Variants in UBR4 observed in about 807,000 individuals in gnomAD.
UBR4 encodes ubiquitin protein ligase E3 component n-recognin 4.
Under a neutral mutation model 575.6 loss-of-function variants are expected in UBR4, and 124 were observed. The ratio of observed to expected loss-of-function variants is 0.22; its 90% confidence interval spans 0.19 to 0.25. UBR4 has a LOEUF of 0.25. Ranked by LOEUF, UBR4 falls within the 10% of genes least tolerant of loss-of-function variation. The probability of loss-of-function intolerance (pLI) is 1.00; values close to 1 mark genes in which losing one functional copy is unlikely to be tolerated. For synonymous variants in UBR4, 2,455 were observed against 2,473.7 expected, an observed-to-expected ratio of 0.99 and a Z score of 0.22; for missense variants, 4,818 against 6,478.8, an observed-to-expected ratio of 0.74 and a Z score of 8.80.
rs1383339505 is a variant in UBR4 at position 19,110,126 on chromosome 1, T to C, written c.12075A>G (p.Lys4025=). 1 of 1,613,944 alleles carries C rather than the reference T, an allele frequency of 6.2e-7. No homozygotes were observed. The highest frequency in any genetic ancestry group is 1.1e-5 in the South Asian group (1 of 91,056). ...TCTTCTTGCTAGTGGGAGCAGGTGGTTTTATCAGCTTCTGCAAGATCCTCA... is the reference window on the plus strand; with the variant it reads ...TCTTCTTGCTAGTGGGAGCAGGTGGCTTTATCAGCTTCTGCAAGATCCTCA... ...MCLRILQKLI[K]PPAPTSKKNK... Residue 4025 remains lysine (K), a synonymous_variant, in exon 81 of 106, where the codon AAA becomes AAG. Coordinates refer to ENST00000375254, the MANE Select transcript of UBR4 (RefSeq NM_020765.3). The surrounding 1 kb of genome is among the most constrained non-coding windows in gnomAD (Gnocchi z 4.5).
At position 19,088,208 on chromosome 1, in the gene UBR4, ATCT is replaced by A. The variant is rs1359866689; in HGVS notation, c.14431-282_14431-280del. On this transcript the variant is annotated intron_variant, in intron 98 of 105. Coordinates refer to ENST00000375254, the MANE Select transcript of UBR4 (RefSeq NM_020765.3). The surrounding 1 kb of genome is among the most constrained non-coding windows in gnomAD (Gnocchi z 4.0). ...AAAAGCCCCCTTTCTTCATGCCAGC[ATCT>A]TCGTGCCAGCAATGCCAAGTCTCAG... 6.6e-6 allele frequency among the ~76,000 whole-genome samples: 1 copy of A among 152,242 alleles called. No individual in the cohort carries two copies. Among genetic ancestry groups the A allele is most frequent in the African/African-American group, 2.4e-5 (1 of 41,466 alleles).
intron 38 of UBR4, among the ~76,000 whole-genome samples, 186 bp downstream of exon 38, chr1:19,160,731 T>C (rs796417915): frequency 1.1e-4 from 16 of 152,258 alleles, no homozygotes; most frequent in African/African-American, 3.9e-4. Flanking sequence ...CCCATAATAC[T>C]CCTAATAGTG....
Position 19,164,335 on chromosome 1 carries a change from C to A in UBR4, c.4618G>T (p.Val1540Leu). The A allele has an allele frequency of 3.1e-6, 5 of 1,614,196 alleles. No individual in the cohort carries two copies. Among genetic ancestry groups the A allele is most frequent in the Non-Finnish European group, 4.2e-6 (5 of 1,180,038 alleles). ...DGTGFPELMV[V>L]MATLASAGQG... ...CCTGCACTGGCCAGAGTGGCCATCA[C>A]AACCATAAGTTCAGGGAAGCCAGTC... is the stretch of plus-strand genomic sequence containing the variant. Residue 1540 changes from valine to leucine, a missense_variant, in exon 33 of 106, where the codon GTG (valine) becomes TTG (leucine). Physicochemically the swap from Val to Leu is conservative, Grantham distance 32. Around this residue, in one of 29 missense-constraint regions of UBR4, gnomAD observed 1,172 missense variants for 1,259.7 expected, o/e 0.93. Coordinates refer to ENST00000375254, the MANE Select transcript of UBR4 (RefSeq NM_020765.3).
intron 30 of UBR4, 141 bp downstream of exon 30, chr1:19,165,515 A>C: frequency 2.9e-6 from 3 of 1,050,486 alleles, no homozygotes; most frequent in Non-Finnish European, 4.2e-6. Flanking sequence ...CCAAGGAGTC[A>C]GCAATTAACT....
At chr1:19,183,324 T>C (rs1016029304) in intron 17 of UBR4, among the ~76,000 whole-genome samples, 3 of 152,218 alleles carry the variant, frequency 2.0e-5, no homozygotes, top group Non-Finnish European at 4.4e-5. Context: ...AGACATATTT[T>C]TTTTTCTGGA....
In UBR4 at chr1:19,078,044, C is replaced by T. The variant is rs145173535; in HGVS notation, c.15256G>A (p.Asp5086Asn). 1.9e-6 allele frequency: 3 copies of T among 1,614,044 alleles called. No homozygotes were observed. The highest frequency in any genetic ancestry group is 1.7e-6 in the Non-Finnish European group (2 of 1,179,982). ...ATRLTDKAVK[D>N]YSAYRSSLLF... ...AGGGAAGAACGGTAAGCGGAATAGTCCTTCACTGCCTTATCTGTCAGCCTG... is the reference window on the plus strand; with the variant it reads ...AGGGAAGAACGGTAAGCGGAATAGTTCTTCACTGCCTTATCTGTCAGCCTG... The change falls in exon 104 of 106, where the codon GAC becomes AAC. Residue 5086 changes from aspartate to asparagine, a missense_variant. Transcript: ENST00000375254.
intron 52 of UBR4, 27 bp from the exon 53 acceptor site, chr1:19,145,960 C>T (rs1025866896): frequency 1.2e-6 from 2 of 1,612,442 alleles, no homozygotes; most frequent in Non-Finnish European, 1.7e-6. Context: ...AAATTATCAA[C>T]GATGGTAAAT....
At position 19,141,364 on chromosome 1, in the gene UBR4, A is replaced by G; in HGVS notation, c.8471T>C (p.Leu2824Pro). Residue 2824 changes from leucine (L) to proline (P), a missense_variant, in exon 57 of 106, where the codon CTG (leucine) becomes CCG (proline). By Grantham distance (98) the Leu-to-Pro change is moderately conservative. Coordinates refer to ENST00000375254, the MANE Select transcript of UBR4 (RefSeq NM_020765.3). ...TMVELAIALS[L>P]QQDQQGSSSS... ...CCTTCTACCTTGTTGGTCCTGCTGC[A>G]GGCTCAGGGCAATGGCTAGTTCAAC... The G allele has an allele frequency of 6.2e-7, 1 of 1,614,234 alleles. No individual in the cohort carries two copies. The highest frequency in any genetic ancestry group is 8.5e-7 in the Non-Finnish European group (1 of 1,180,034).
At chr1:19,132,315 G>A (rs988320788) in intron 60 of UBR4, among the ~76,000 whole-genome samples, 1 of 151,802 alleles carries the variant, frequency 6.6e-6, no homozygotes, top group African/African-American at 2.4e-5. Flanking sequence ...CCAAGTAGCT[G>A]GGATTACAGG....
In UBR4 at chr1:19,122,827, T is replaced by G. The variant is rs2081325698; in HGVS notation, c.9816+6A>C. The G allele has an allele frequency of 6.2e-7, 1 of 1,614,014 alleles. No individual in the cohort carries two copies. The highest frequency in any genetic ancestry group is 8.5e-7 in the Non-Finnish European group (1 of 1,179,998). ...TCCCTGCCCTACCAGGTCCCAGCCC[T>G]CGTACCAGGCTGATGAGTGTGTCAT... On this transcript the variant is annotated splice_donor_region_variant and intron_variant, in intron 66 of 105. Transcript: ENST00000375254.
chr1:19,193,175 G>A (rs1480532046), intron 9 of UBR4, among the ~76,000 whole-genome samples: 1 of 152,216 alleles, frequency 6.6e-6, no homozygotes, highest in Non-Finnish European at 1.5e-5. Context: ...CTGACACACA[G>A]TAGGCCCTCA....
At chr1:19,132,627 T>TAAAAAAAAAAAAAAAAAAAAAAAAAA (rs2082669671) in intron 60 of UBR4, among the ~76,000 whole-genome samples, 1 of 41,126 alleles carries the variant, frequency 2.4e-5, no homozygotes, top group Non-Finnish European at 4.7e-5. Context: ...AAAAAAAAAG[T>TAAAAAAAAAAAAAAAAAAAAAAAAAA]AAGTAAAAGA....
In UBR4 at chr1:19,104,606, A is replaced by G. The variant is rs746092933; in HGVS notation, c.12706T>C (p.Tyr4236His). ...TTACCTGTGAGACTTTTAAGGGCAT[A>G]ACCCTGCTGCAGATCGGTACTCAGG... ...ATLSTDLQQG[Y>H]ALKSLTGLLS... The change falls in exon 86 of 106, where the codon TAT becomes CAT. Residue 4236 changes from tyrosine to histidine, a missense_variant. Tyr to His is a moderately conservative substitution (Grantham distance 83, BLOSUM62 2). Transcript: ENST00000375254. 6.2e-7 allele frequency: 1 copy of G among 1,614,166 alleles called. No homozygotes were observed. The highest frequency in any genetic ancestry group is 8.5e-7 in the Non-Finnish European group (1 of 1,180,012).
In UBR4 at chr1:19,177,448, T is replaced by C; in HGVS notation, c.2637+13A>G. 1 of 1,608,162 alleles carries C rather than the reference T, an allele frequency of 6.2e-7. No homozygotes were observed. The highest frequency in any genetic ancestry group is 8.5e-7 in the Non-Finnish European group (1 of 1,175,292). On this transcript the variant is annotated intron_variant, in intron 19 of 105. Coordinates refer to ENST00000375254, the MANE Select transcript of UBR4 (RefSeq NM_020765.3). ...AGTAATGGTGAAGCAAAAAAGAACG[T>C]GTTGGTCTGTACCTGCTCAAATAGA...
chr1:19,087,158 C>T (rs1042972851), intron 99 of UBR4, among the ~76,000 whole-genome samples: 3 of 152,220 alleles, frequency 2.0e-5, no homozygotes, highest in Non-Finnish European at 4.4e-5. Flanking sequence ...CTTGATATTC[C>T]CTTGCTTTTC....
Position 19,139,050 on chromosome 1 carries a change from C to T in UBR4, c.8731+33G>A. On this transcript the variant is annotated intron_variant, in intron 59 of 105. Coordinates refer to ENST00000375254, the MANE Select transcript of UBR4 (RefSeq NM_020765.3). This position sits in a 1 kb window ranked among gnomAD's most constrained non-coding sequence, Gnocchi z 4.2. ...TCCTGTTTTGTCCCCACCCTCTGCCCAAGGAGACAGGACCCCCGCCATGGC... is the reference window on the plus strand; with the variant it reads ...TCCTGTTTTGTCCCCACCCTCTGCCTAAGGAGACAGGACCCCCGCCATGGC... 2.5e-6 allele frequency: 4 copies of T among 1,583,468 alleles called. No homozygotes were observed. Among genetic ancestry groups the T allele is most frequent in the Non-Finnish European group, 3.4e-6 (4 of 1,161,702 alleles).
rs767266852 is a variant in UBR4, at chr1:19,104,696, G to T, written c.12646-30C>A. 29 of 1,607,322 alleles carry T rather than the reference G, an allele frequency of 1.8e-5. No homozygotes were observed. In the African/African-American group the frequency reaches 3.5e-4, roughly 19 times the overall value. ...ACAGGATGACAAGTGCAGTCAGTGT[G>T]ATATCACTGCCAAGGATACCAGTTA... On this transcript the variant is annotated intron_variant, in intron 85 of 105. Transcript: ENST00000375254.
At chr1:19,118,029 C>T in intron 71 of UBR4, 119 bp from the exon 72 acceptor site, 1 of 889,488 alleles carries the variant, frequency 1.1e-6, no homozygotes, top group Non-Finnish European at 1.8e-6. Context: ...CAAAGTGAGC[C>T]CCACCCTAGT....
At chr1:19,197,012 G>A (rs1286757760) in intron 8 of UBR4, 129 bp downstream of exon 8, 19 of 1,132,028 alleles carry the variant, frequency 1.7e-5, no homozygotes, top group African/African-American at 4.7e-5. Flanking sequence ...ACCTTGATGC[G>A]ACGTTAGATG....
Sources: gnomAD v4.1 joint callset for allele counts (sites outside exome capture counted in the v4.1 genomes callset) on GRCh38, gnomAD v4.1.1 for gene constraint, gnomAD v4.1.1 regional missense constraint, Gnocchi (gnomAD v3.1) non-coding constraint, MANE v1.5 for transcripts, NCBI Gene and HGNC (gene_info 2026-07-23, HGNC 2026-07-21) for gene names.